Variants in AGBL1 observed in about 807,000 individuals in gnomAD.
The protein encoded by AGBL1 is AGBL carboxypeptidase 1.
In AGBL1, 130 loss-of-function variants were observed where a neutral mutation model predicts 118.9. The observed-to-expected ratio is 1.09, with a 90% CI of 0.95 to 1.26. The LOEUF (loss-of-function observed/expected upper bound fraction) is 1.26. Among genes scored for constraint, AGBL1 ranks in the 50% most tolerant of loss-of-function variants. The pLI is 0.00. For missense variants in AGBL1, 1,584 were observed against 1,298.1 expected, an observed-to-expected ratio of 1.22 and a Z score of -3.38; for synonymous variants, 555 against 478.9, an observed-to-expected ratio of 1.16 and a Z score of -2.08.
intron 22 of AGBL1, among the ~76,000 whole-genome samples, chr15:86,867,023 C>G (rs908383683): frequency 6.6e-6 from 1 of 152,126 alleles, no homozygotes; most frequent in East Asian, 1.9e-4. Context: ...TGGTGAGACA[C>G]TCCTAGGAGA....
chr15:86,152,237 C>A lies in AGBL1; in HGVS notation c.263-2193C>A, dbSNP rs143622410. Among the ~76,000 whole-genome samples the A allele has an allele frequency of 2.7e-3, 417 of 152,218 alleles. 7 individuals are homozygous for A. The highest frequency in any genetic ancestry group is 8.5e-3 in the African/African-American group (354 of 41,512). On this transcript the variant is annotated intron_variant, in intron 3 of 22. Transcript: ENST00000614907. ...ACAATCCTAAGCAAAAAGAATAAAG[C>A]TGGAGACATCATGCTACCTGACTTC...
At position 86,174,076 on chromosome 15, in the gene AGBL1, A is replaced by G. The variant is rs185795529; in HGVS notation, c.488+15050A>G. Among the ~76,000 whole-genome samples, 251 of 152,176 alleles carry G rather than the reference A, an allele frequency of 1.6e-3. 4 individuals are homozygous for G. The highest frequency in any genetic ancestry group is 2.8e-4 in the Non-Finnish European group (19 of 67,966). On this transcript the variant is annotated intron_variant, in intron 5 of 22. Transcript: ENST00000614907. ...AATTTTAACAATATCAATTCTTTCAATCCATGAGCATGGGTGTCTTTCCAT... is the reference window on the plus strand; with the variant it reads ...AATTTTAACAATATCAATTCTTTCAGTCCATGAGCATGGGTGTCTTTCCAT...
rs150875454 is a variant in AGBL1 at position 86,382,942 on chromosome 15, A to G, written c.2375-14424A>G. ...TGCTAAGCTTCGTGAGAGTAAAACA[A>G]TCCACCTCTCAAAGCAAGTAACCTA... On this transcript the variant is annotated intron_variant, in intron 17 of 22. Coordinates refer to ENST00000614907, the MANE Select transcript of AGBL1 (RefSeq NM_001386094.1). Among the ~76,000 whole-genome samples, 1,387 of 152,216 alleles carry G rather than the reference A, an allele frequency of 9.1e-3. 22 individuals are homozygous for G. The highest frequency in any genetic ancestry group is 0.012 in the South Asian group (56 of 4,818).
rs149922477 is a variant in AGBL1 at position 86,947,544 on chromosome 15, C to T, written c.3222-40443C>T. Among the ~76,000 whole-genome samples, 12 of 152,132 alleles carry T rather than the reference C, an allele frequency of 7.9e-5. No homozygotes were observed. The East Asian group carries it at 1.9e-3, about 24-fold the overall frequency. ...GAAAGGATTGCTGAGCTAATTCCAG[C>T]GAATTTTTTATTAATTTATTTTGAA... is the stretch of plus-strand genomic sequence containing the variant. On this transcript the variant is annotated intron_variant, in intron 23 of 24. Transcript: ENST00000441037.
At chr15:86,782,832 T>C (rs978089635) in intron 22 of AGBL1, among the ~76,000 whole-genome samples, 1 of 152,242 alleles carries the variant, frequency 6.6e-6, no homozygotes, top group Non-Finnish European at 1.5e-5. Flanking sequence ...AGGTCAGCAG[T>C]GAAATGTTTT....
chr15:86,253,493 C>T (rs954474337), intron 7 of AGBL1, among the ~76,000 whole-genome samples: 6 of 152,080 alleles, frequency 3.9e-5, no homozygotes, highest in African/African-American at 1.4e-4. Context: ...TCGTGATCCA[C>T]CTGCCTCGGC....
At chr15:86,670,532 A>C (rs897764872) in intron 21 of AGBL1, among the ~76,000 whole-genome samples, 1 of 150,982 alleles carries the variant, frequency 6.6e-6, no homozygotes, top group Non-Finnish European at 1.5e-5. Flanking sequence ...TGAACCCAGG[A>C]GGCAGAGGTT....
intron 16 of AGBL1, among the ~76,000 whole-genome samples, chr15:86,284,895 C>G (rs2141735321): frequency 6.6e-6 from 1 of 152,270 alleles, no homozygotes; most frequent in East Asian, 1.9e-4. Flanking sequence ...ATATTGTTCA[C>G]AGACAGGATT....
At chr15:86,815,756 T>A (rs970525229) in intron 22 of AGBL1, among the ~76,000 whole-genome samples, 2 of 152,054 alleles carry the variant, frequency 1.3e-5, no homozygotes, top group Non-Finnish European at 2.9e-5. Context: ...TAAGTAACAC[T>A]CTATCCCCGT....
intron 21 of AGBL1, among the ~76,000 whole-genome samples, chr15:86,608,812 C>G (rs2084619445): frequency 6.6e-6 from 1 of 152,118 alleles, no homozygotes; most frequent in Admixed American, 6.6e-5. Context: ...TGTAAAATCT[C>G]CTAATTTTCA....
At chr15:86,196,865 ATGTGCGCGCGCG>A (rs1205430320) in intron 5 of AGBL1, among the ~76,000 whole-genome samples, 1,902 of 85,416 alleles carry the variant, frequency 0.022, 46 homozygotes, top group East Asian at 0.11. Flanking sequence ...GAATGTGCAC[ATGTGCGCGCGCG>A]CGCACACACA....
At chr15:86,358,646 G>A (rs1433579740) in intron 17 of AGBL1, among the ~76,000 whole-genome samples, 3 of 151,924 alleles carry the variant, frequency 2.0e-5, no homozygotes, top group Non-Finnish European at 4.4e-5. Context: ...ATATCCACTA[G>A]CAGTGTGCAA....
chr15:86,565,305 T>A (rs1010788587), intron 21 of AGBL1, among the ~76,000 whole-genome samples: 18 of 152,168 alleles, frequency 1.2e-4, no homozygotes, highest in Admixed American at 2.0e-4. Context: ...ACAGATGGGG[T>A]TTTGGTGTGG....
chr15:86,088,827 A>G (rs1286996874), intron 1 of AGBL1, among the ~76,000 whole-genome samples: 2 of 152,198 alleles, frequency 1.3e-5, no homozygotes. Flanking sequence ...CCAATTAGCT[A>G]CCGGGTCACT....
chr15:86,269,045 T>A (rs6496317), intron 13 of AGBL1, among the ~76,000 whole-genome samples: 1 of 152,018 alleles, frequency 6.6e-6, no homozygotes, highest in African/African-American at 2.4e-5. Flanking sequence ...AAAATAATAA[T>A]CTTTGGAGAT....
At chr15:86,643,783 G>T (rs2085229693) in intron 21 of AGBL1, among the ~76,000 whole-genome samples, 2 of 152,026 alleles carry the variant, frequency 1.3e-5, no homozygotes, top group Admixed American at 1.3e-4. Flanking sequence ...AAGTATTTAA[G>T]GATTTTATTT....
intron 18 of AGBL1, among the ~76,000 whole-genome samples, chr15:86,492,924 C>T (rs1184383901): frequency 6.6e-6 from 1 of 151,846 alleles, no homozygotes; most frequent in Non-Finnish European, 1.5e-5. Flanking sequence ...ATTATAGGCT[C>T]ACGCCTGTAA....
At chr15:86,587,504 A>G (rs796514212) in intron 21 of AGBL1, among the ~76,000 whole-genome samples, 33 of 152,244 alleles carry the variant, frequency 2.2e-4, no homozygotes, top group African/African-American at 7.9e-4. Flanking sequence ...GGTTTGGGAA[A>G]GTGGGTCTAA....
intron 22 of AGBL1, among the ~76,000 whole-genome samples, chr15:86,886,212 A>G (rs1040016295): frequency 6.6e-6 from 1 of 152,264 alleles, no homozygotes; most frequent in African/African-American, 2.4e-5. Context: ...AAAATAGCAT[A>G]CAAATGTTTG....
Sources: gnomAD v4.1 joint callset for allele counts (sites outside exome capture counted in the v4.1 genomes callset) on GRCh38, gnomAD v4.1.1 for gene constraint, MANE v1.5 for transcripts, NCBI Gene and HGNC (gene_info 2026-07-23, HGNC 2026-07-21) for gene names.